CDH8: variants seen among roughly 807,000 people sequenced by gnomAD.
The protein encoded by CDH8 is cadherin 8.
In CDH8, 17 loss-of-function variants were observed where a neutral mutation model predicts 68.1. That is an observed-to-expected ratio of 0.25 (90% CI 0.17 to 0.37). The LOEUF is 0.37. Among genes scored for constraint, CDH8 ranks in the 10% least tolerant of loss-of-function variants. CDH8 has a pLI of 1.00. For missense variants in CDH8, 763 were observed against 999.3 expected (o/e 0.76, Z 3.19); for synonymous variants, 372 against 365.1 (o/e 1.02, Z -0.21).
chr16:61,715,047 TG>T (rs1394225672), intron 9 of CDH8, among the ~76,000 whole-genome samples: 2 of 151,628 alleles, frequency 1.3e-5, no homozygotes, highest in Non-Finnish European at 3.0e-5. Context: ...GGCTTTGCAT[TG>T]TATCAAGCAC....
At chr16:61,882,145 C>T (rs1253390505) in intron 3 of CDH8, among the ~76,000 whole-genome samples, 3 of 152,174 alleles carry the variant, frequency 2.0e-5, no homozygotes, top group Non-Finnish European at 4.4e-5. Flanking sequence ...AGAAAACTGC[C>T]TTTCTAACCA....
At chr16:62,005,045 G>A (rs1326311755) in intron 2 of CDH8, among the ~76,000 whole-genome samples, 2 of 152,192 alleles carry the variant, frequency 1.3e-5, no homozygotes, top group Non-Finnish European at 1.5e-5. Context: ...TCTTGAGATA[G>A]AGGAGTCTTC....
At chr16:61,782,378 G>C (rs1961091475) in intron 8 of CDH8, among the ~76,000 whole-genome samples, 1 of 152,056 alleles carries the variant, frequency 6.6e-6, no homozygotes. Context: ...GCGCTTTTCA[G>C]ACCGGCTTAA....
intron 9 of CDH8, among the ~76,000 whole-genome samples, chr16:61,719,428 C>T (rs766141849): frequency 3.3e-5 from 5 of 151,026 alleles, no homozygotes; most frequent in East Asian, 3.9e-4. Flanking sequence ...CAGAAGAATG[C>T]GTCTATACAA....
At chr16:61,998,359 T>G (rs960711927) in intron 2 of CDH8, among the ~76,000 whole-genome samples, 2 of 152,202 alleles carry the variant, frequency 1.3e-5, no homozygotes, top group East Asian at 1.9e-4. Flanking sequence ...TATCTGCAGG[T>G]GTCTTTTTCC....
At chr16:61,834,645 A>G (rs1962528677) in intron 4 of CDH8, among the ~76,000 whole-genome samples, 1 of 151,888 alleles carries the variant, frequency 6.6e-6, no homozygotes, top group South Asian at 2.1e-4. Context: ...TTACTTGGGG[A>G]TGAATTCATG....
At position 61,650,711 on chromosome 16, in the gene CDH8, G is replaced by GAC. The variant is rs1963304716; in HGVS notation, c.*2896_*2897insGT. 1 of 112,870 alleles carries GAC rather than the reference G, an allele frequency of 8.9e-6. No individual in the cohort carries two copies. Among genetic ancestry groups the GAC allele is most frequent in the Admixed American group, 8.0e-5 (1 of 12,462 alleles). The allele number at this position is 112,870 out of a possible 1,614,324, so 7.0% of individuals were successfully genotyped here. A position where few individuals can be genotyped will look rare whatever the true frequency, so the allele number is the denominator to read the frequency against. On this transcript the variant is annotated 3_prime_UTR_variant, in exon 12 of 12. Transcript: ENST00000577390. ...TGTGTGTGTGTGTGTGTGTGTGAGA[G>GAC]AGAGAGAGAGAGAGAGAGAGAAAGA...
At chr16:62,027,593 C>T (rs1208187128) in intron 1 of CDH8, among the ~76,000 whole-genome samples, 1 of 152,168 alleles carries the variant, frequency 6.6e-6, no homozygotes, top group East Asian at 1.9e-4. Context: ...ATGTTTCTGA[C>T]CTTGAATTTA....
intron 3 of CDH8, among the ~76,000 whole-genome samples, chr16:61,886,298 A>AT (rs1282317864): frequency 6.6e-6 from 1 of 151,938 alleles, no homozygotes; most frequent in African/African-American, 2.4e-5. Context: ...TATAATAATA[A>AT]AAAAAAACTG....
At chr16:61,701,917 C>G (rs867009420) in intron 10 of CDH8, among the ~76,000 whole-genome samples, 3 of 152,186 alleles carry the variant, frequency 2.0e-5, no homozygotes, top group Non-Finnish European at 2.9e-5. Context: ...CATATGTTGA[C>G]TGTCAGTCTT....
At chr16:61,858,385 A>G (rs1963088720) in intron 3 of CDH8, among the ~76,000 whole-genome samples, 1 of 152,180 alleles carries the variant, frequency 6.6e-6, no homozygotes, top group South Asian at 2.1e-4. Context: ...AGTTCTGGGA[A>G]CTCCTGAAAA....
At chr16:61,911,602 A>C (rs2143328074) in intron 2 of CDH8, among the ~76,000 whole-genome samples, 1 of 144,018 alleles carries the variant, frequency 6.9e-6, no homozygotes, top group South Asian at 2.2e-4. Context: ...TCAACACAAT[A>C]TCTCTTTATG....
chr16:61,689,733 G>A (rs891321632), intron 10 of CDH8, among the ~76,000 whole-genome samples: 1 of 151,906 alleles, frequency 6.6e-6, no homozygotes, highest in African/African-American at 2.4e-5. Context: ...GTGATGATAA[G>A]AATAGCCAGA....
At chr16:61,778,135 C>T (rs895402551) in intron 8 of CDH8, among the ~76,000 whole-genome samples, 1 of 151,858 alleles carries the variant, frequency 6.6e-6, no homozygotes, top group Admixed American at 6.6e-5. Context: ...CCACTTTAGG[C>T]TCTTATCATC....
intron 2 of CDH8, among the ~76,000 whole-genome samples, chr16:62,015,633 G>A (rs367752563): frequency 4.0e-4 from 61 of 152,248 alleles, no homozygotes; most frequent in African/African-American, 1.3e-3. Context: ...GTGTTTCAGC[G>A]CAATGGACTG....
chr16:61,822,769 T>A (rs959521429), intron 5 of CDH8, among the ~76,000 whole-genome samples: 1 of 151,886 alleles, frequency 6.6e-6, no homozygotes, highest in African/African-American at 2.4e-5. Flanking sequence ...TTTGAGATGA[T>A]CCCTTTTGGT....
chr16:61,695,121 C>T (rs1259722365), intron 10 of CDH8, among the ~76,000 whole-genome samples: 1 of 151,736 alleles, frequency 6.6e-6, no homozygotes, highest in Non-Finnish European at 1.5e-5. Context: ...TTCTGCTGTA[C>T]ACAAATTCCC....
chr16:61,855,621 T>C (rs140323512), intron 4 of CDH8, among the ~76,000 whole-genome samples: 215 of 152,286 alleles, frequency 1.4e-3, no homozygotes, highest in African/African-American at 4.9e-3. Context: ...AAAGACCCAA[T>C]TGAACAAATG....
chr16:61,647,656 C>G lies in CDH8; in HGVS notation c.*5952G>C. ...CCAATGACTCCTAAATTGTCATGGT[C>G]CATCTTAGAGCATAATTGTTAAAAT... On this transcript the variant is annotated 3_prime_UTR_variant, in exon 12 of 12. Coordinates refer to ENST00000577390, the MANE Select transcript of CDH8 (RefSeq NM_001796.5). 2 of 579,532 alleles carry G rather than the reference C, an allele frequency of 3.5e-6. No homozygotes were observed. Among genetic ancestry groups the G allele is most frequent in the African/African-American group, 1.9e-5 (1 of 52,226 alleles). The allele number at this position is 579,532 out of a possible 1,614,324, so 35.9% of individuals were successfully genotyped here.
Sources: allele counts gnomAD v4.1 joint callset (sites outside exome capture counted in the v4.1 genomes callset), GRCh38; gene constraint gnomAD v4.1.1; transcripts MANE v1.5; gene names NCBI Gene and HGNC (gene_info 2026-07-23, HGNC 2026-07-21).